SUGP2: variants seen among roughly 807,000 people sequenced by gnomAD.
The protein encoded by SUGP2 is SURP and G-patch domain containing 2, also known as SURP and G-patch domain-containing protein 2.
A neutral mutation model predicts 90.5 loss-of-function variants in SUGP2; 24 were observed. The ratio of observed to expected loss-of-function variants is 0.27; its 90% CI spans 0.19 to 0.37. The LOEUF is 0.37. Ranked by LOEUF, SUGP2 falls within the 10% of genes least tolerant of loss-of-function variation. The probability of loss-of-function intolerance (pLI) is 1.00; values close to 1 mark genes in which losing one functional copy is unlikely to be tolerated. For synonymous variants in SUGP2, 473 were observed against 513.4 expected, an observed-to-expected ratio of 0.92 and a Z score of 1.06; for missense variants, 1,233 against 1,363.3, an observed-to-expected ratio of 0.90 and a Z score of 1.51.
intron 3 of SUGP2, among the ~76,000 whole-genome samples, chr19:19,020,540 C>T (rs1455562977): frequency 6.6e-6 from 1 of 151,162 alleles, no homozygotes; most frequent in Admixed American, 6.6e-5. Flanking sequence ...AACTCCTAGG[C>T]TCAAGCAATT....
At chr19:19,005,892 C>CACACACCA (rs1555730830) in intron 6 of SUGP2, among the ~76,000 whole-genome samples, 9 of 19,922 alleles carry the variant, frequency 4.5e-4, no homozygotes, top group Non-Finnish European at 7.1e-4. Flanking sequence ...CACACACACA[C>CACACACCA]CACACACACA....
intron 4 of SUGP2, among the ~76,000 whole-genome samples, chr19:19,012,665 G>T (rs940039010): frequency 5.3e-5 from 8 of 152,226 alleles, no homozygotes; most frequent in Non-Finnish European, 1.2e-4. Flanking sequence ...TAGGAGGCAA[G>T]TGCTATGAAA....
chr19:18,997,800 A>G (rs7253167), intron 8 of SUGP2, among the ~76,000 whole-genome samples: 2,514 of 147,642 alleles, frequency 0.017, 61 homozygotes, highest in African/African-American at 0.052. Flanking sequence ...AAAAAAAAAA[A>G]AAAGAAAGAA....
In SUGP2 at chr19:19,001,692, G is replaced by A. The variant is rs772932420; in HGVS notation, c.2930-18C>T. 5.0e-6 allele frequency: 8 copies of A among 1,613,658 alleles called. No homozygotes were observed. The South Asian group carries it at 8.8e-5, about 18-fold the overall frequency. ...TTCATGGACTAGAAGACAAAAGAAA[G>A]AGACACATACACATACATGTGCTTT... On this transcript the variant is annotated intron_variant, in intron 7 of 10. Transcript: ENST00000452918.
At chr19:18,996,351 G>A (rs372361658) in intron 8 of SUGP2, among the ~76,000 whole-genome samples, 1 of 152,158 alleles carries the variant, frequency 6.6e-6, no homozygotes, top group South Asian at 2.1e-4. Context: ...AGCGGAGACC[G>A]TGCCACTGCA....
At chr19:18,994,321 C>T (rs755601105) in intron 10 of SUGP2, 45 bp downstream of exon 10, 45 of 1,591,660 alleles carry the variant, frequency 2.8e-5, no homozygotes, top group Non-Finnish European at 3.1e-5. Flanking sequence ...CATACCAGCA[C>T]GCCAGCGAGG....
At chr19:19,002,886 C>T (rs2057901156) in intron 7 of SUGP2, among the ~76,000 whole-genome samples, 1 of 152,084 alleles carries the variant, frequency 6.6e-6, no homozygotes, top group Admixed American at 6.6e-5. Context: ...AACTCCACCT[C>T]CCCCCAAGAA....
At chr19:19,011,394 C>T (rs73006928) in intron 4 of SUGP2, among the ~76,000 whole-genome samples, 9,822 of 151,964 alleles carry the variant, frequency 0.065, 380 homozygotes, top group Middle Eastern at 0.15. Flanking sequence ...GGTAGCCATA[C>T]GCCTCAGCCT....
In SUGP2 at chr19:19,033,461, A is replaced by G; in HGVS notation, c.-36T>C. On this transcript the variant is annotated 5_prime_UTR_variant, in exon 1 of 11. Coordinates refer to ENST00000452918, the MANE Select transcript of SUGP2 (RefSeq NM_001017392.5). ...CCCCGAGACCACCGCGCGCGGAGCC[A>G]CCCCCGCCGCCGCCTCAGGCTCCTC... 7.2e-7 allele frequency: 1 copy of G among 1,394,918 alleles called. No homozygotes were observed. Among genetic ancestry groups the G allele is most frequent in the Non-Finnish European group, 9.3e-7 (1 of 1,074,418 alleles). The allele number at this position is 1,394,918 out of a possible 1,614,324, so 86.4% of individuals were successfully genotyped here.
rs2145818817 is a variant in SUGP2, at chr19:19,033,464, C to T, written c.-39G>A. The stretch of plus-strand genomic sequence containing the variant: ...CGAGACCACCGCGCGCGGAGCCACC[C>T]CCGCCGCCGCCTCAGGCTCCTCACC... On this transcript the variant is annotated 5_prime_UTR_variant, in exon 1 of 11. Coordinates refer to ENST00000452918, the MANE Select transcript of SUGP2 (RefSeq NM_001017392.5). 3 of 1,402,040 alleles carry T rather than the reference C, an allele frequency of 2.1e-6. No homozygotes were observed. The highest frequency in any genetic ancestry group is 2.7e-5 in the South Asian group (2 of 74,050). 86.8% of individuals were successfully genotyped at this position (1,402,040 alleles called of 1,614,324 possible).
chr19:19,025,408 T>C lies in SUGP2; in HGVS notation c.940A>G (p.Met314Val), dbSNP rs779943120. ...GACTTATCTATGATGTCAAAGCTCA[T>C]CTTTCTTCTGGGGAGCCGAAGATTC... Reference protein sequence around the residue: ...LKNLRLPRRKMSFDIIDKSDV... With the variant: ...LKNLRLPRRKVSFDIIDKSDV... The change falls in exon 3 of 11, where the codon ATG becomes GTG. Residue 314 changes from methionine to valine, a missense_variant. Coordinates refer to ENST00000452918, the MANE Select transcript of SUGP2 (RefSeq NM_001017392.5). 3 of 1,614,166 alleles carry C rather than the reference T, an allele frequency of 1.9e-6. No individual in the cohort carries two copies. The South Asian group carries it at 3.3e-5, about 18-fold the overall frequency.
chr19:18,999,418 C>T (rs746896979), intron 8 of SUGP2, among the ~76,000 whole-genome samples: 7 of 152,140 alleles, frequency 4.6e-5, no homozygotes, highest in African/African-American at 7.2e-5. Context: ...CAGACAAATC[C>T]GTGGCTCAGG....
chr19:19,002,505 G>GTTTTTTTTTTTTTTTTTTTTTTT (rs58282570), intron 7 of SUGP2, among the ~76,000 whole-genome samples: 1 of 61,102 alleles, frequency 1.6e-5, no homozygotes, highest in Non-Finnish European at 2.9e-5. Flanking sequence ...TAGCAAGTCT[G>GTTTTTTTTTTTTTTTTTTTTTTT]TTTTTTTTTT....
chr19:19,032,846 C>T (rs887159814), intron 1 of SUGP2, among the ~76,000 whole-genome samples: 7 of 152,170 alleles, frequency 4.6e-5, no homozygotes, highest in African/African-American at 1.4e-4. Context: ...CTTCGCAAAA[C>T]CTCCAACTTC....
intron 3 of SUGP2, among the ~76,000 whole-genome samples, chr19:19,021,533 AC>A (rs2058728233): frequency 6.6e-6 from 1 of 152,216 alleles, no homozygotes; most frequent in Non-Finnish European, 1.5e-5. Flanking sequence ...TAGGATGACC[AC>A]GAACAAGGGT....
At chr19:19,004,094 G>T in intron 7 of SUGP2, 74 bp downstream of exon 7, 1 of 1,169,130 alleles carries the variant, frequency 8.6e-7, no homozygotes, top group Non-Finnish European at 1.2e-6. Flanking sequence ...GTCTCCACCT[G>T]TCTCTTCTAA....
rs144992117 is a variant in SUGP2 at position 19,008,423 on chromosome 19, T to A, written c.2344A>T (p.Met782Leu). 19 of 1,613,448 alleles carry A rather than the reference T, an allele frequency of 1.2e-5. No homozygotes were observed. Among genetic ancestry groups the A allele is most frequent in the Admixed American group, 5.0e-5 (3 of 60,006 alleles). ...TTCTCTGCAGTCTCCATTGTCTTCATGTCAACTACAAAACATAAAGCACCT... is the reference window on the plus strand; with the variant it reads ...TTCTCTGCAGTCTCCATTGTCTTCAAGTCAACTACAAAACATAAAGCACCT... ...SSPCPSADID[M>L]KTMETAEKLA... The change falls in exon 6 of 11, where the codon ATG (methionine) becomes TTG (leucine). Residue 782 changes from methionine (M) to leucine (L), a missense_variant. By Grantham distance (15) the Met-to-Leu change is conservative (BLOSUM62 2). Around this residue, in one of 8 missense-constraint regions of SUGP2, gnomAD observed 540 missense variants for 542.6 expected, o/e 1.00. Coordinates refer to ENST00000452918, the MANE Select transcript of SUGP2 (RefSeq NM_001017392.5).
rs763221092 is a variant in SUGP2, at chr19:19,024,918, C to T, written c.1430G>A (p.Arg477Gln). 7 of 1,614,116 alleles carry T rather than the reference C, an allele frequency of 4.3e-6. No homozygotes were observed. Among genetic ancestry groups the T allele is most frequent in the Non-Finnish European group, 5.1e-6 (6 of 1,180,020 alleles). Residue 477 changes from arginine to glutamine, a missense_variant, in exon 3 of 11, where the codon CGG becomes CAG. Transcript: ENST00000452918. Reference protein sequence around the residue: ...LALETTNSLCRKSLALLGQTF... With the variant: ...LALETTNSLCQKSLALLGQTF... ...CTGTCCCAAAAGGGCCAAAGACTTC[C>T]GGCAGAGAGAGTTGGTGGTTTCTAG...
intron 3 of SUGP2, among the ~76,000 whole-genome samples, chr19:19,022,612 G>C (rs567230690): frequency 6.6e-6 from 1 of 152,308 alleles, no homozygotes; most frequent in Non-Finnish European, 1.5e-5. Context: ...AAAACAGGGG[G>C]AACATCAAAG....
Sources: gnomAD v4.1 joint callset for allele counts (sites outside exome capture counted in the v4.1 genomes callset) on GRCh38, gnomAD v4.1.1 for gene constraint, gnomAD v4.1.1 regional missense constraint, MANE v1.5 for transcripts, NCBI Gene and HGNC (gene_info 2026-07-23, HGNC 2026-07-21) for gene names.